Variants in ANKS6 observed in about 807,000 individuals in gnomAD.
The protein encoded by ANKS6 is ankyrin repeat and SAM domain-containing protein 6.
A neutral mutation model predicts 77.9 loss-of-function variants in ANKS6; 47 were observed. The ratio of observed to expected loss-of-function variants is 0.60; its 90% CI spans 0.48 to 0.77. ANKS6 has a LOEUF of 0.77. ANKS6 is among the 30% of genes least tolerant of loss of function. The pLI, the probability that ANKS6 is intolerant of heterozygous loss-of-function variation, is 0.00. For synonymous variants in ANKS6, 488 were observed against 501.7 expected (o/e 0.97, Z 0.37); for missense variants, 1,150 against 1,159.1 (o/e 0.99, Z 0.11).
rs1376975463 is a variant in ANKS6 at position 98,784,126 on chromosome 9, A to G, written c.939T>C (p.Asp313=). The G allele has an allele frequency of 5.1e-6, 8 of 1,559,950 alleles. No homozygotes were observed. The highest frequency in any genetic ancestry group is 1.2e-5 in the South Asian group (1 of 84,600). Residue 313 remains aspartate (D), a synonymous_variant, in exon 4 of 15, where the codon GAT becomes GAC. Coordinates refer to ENST00000353234, the MANE Select transcript of ANKS6 (RefSeq NM_173551.5). ...GNFQLVKEIA[D]EDPSHVNLVN... ...CCAAGTTCACGTGGCTGGGGTCTTC[A>G]TCGGCAATCTCTTTGACCAGCTGGA... is the stretch of plus-strand genomic sequence containing the variant.
chr9:98,735,019 G>A lies in ANKS6; in HGVS notation c.*1500C>T. On this transcript the variant is annotated 3_prime_UTR_variant, in exon 15 of 15. Transcript: ENST00000353234. The stretch of plus-strand genomic sequence containing the variant: ...CTCTGAAAGCCAGCATAGGGGAATG[G>A]GCTTTCATGGCTGGGGGAGGGACAG... 2.0e-6 allele frequency: 2 copies of A among 985,446 alleles called. No homozygotes were observed. Among genetic ancestry groups the A allele is most frequent in the Non-Finnish European group, 2.4e-6 (2 of 829,950 alleles). The allele number at this position is 985,446 out of a possible 1,614,324, so 61.0% of individuals were successfully genotyped here.
rs757531294 is a variant in ANKS6 at position 98,790,255 on chromosome 9, C to T, written c.711G>A (p.Arg237=). ...CCACCAGCTGCTGGGCCACTCCAAG[C>T]CGCCCAGTGAGTGCGGCCAGCATCA... ...SPLMLAALTG[R]LGVAQQLVEK... Residue 237 remains arginine, a synonymous_variant, in exon 2 of 15, where the codon CGG becomes CGA. Transcript: ENST00000353234. 2 of 1,605,820 alleles carry T rather than the reference C, an allele frequency of 1.2e-6. No individual in the cohort carries two copies. The highest frequency in any genetic ancestry group is 4.5e-5 in the East Asian group (2 of 44,610).
intron 14 of ANKS6, among the ~76,000 whole-genome samples, 157 bp from the exon 15 acceptor site, chr9:98,736,780 A>G (rs1831524298): frequency 6.6e-6 from 1 of 152,198 alleles, no homozygotes; most frequent in African/African-American, 2.4e-5. Context: ...ACCGAGTTCA[A>G]TAAAAACATA....
intron 8 of ANKS6, among the ~76,000 whole-genome samples, chr9:98,775,618 T>C (rs1320463441): frequency 8.6e-6 from 1 of 116,016 alleles, no homozygotes; most frequent in Non-Finnish European, 2.0e-5. Flanking sequence ...AAAGCTATGG[T>C]ATTTGCTATT....
rs11437180 is a variant in ANKS6, at chr9:98,789,428, TA to T, written c.862+675del. ...ACATGCCAGAGAGATGGCAAGAAGT[TA>T]AAAAAAAAAAAAAAAAAAAGATGCA... On this transcript the variant is annotated intron_variant, in intron 2 of 14. Coordinates refer to ENST00000353234, the MANE Select transcript of ANKS6 (RefSeq NM_173551.5). 2.5e-3 allele frequency among the ~76,000 whole-genome samples: 324 copies of T among 129,962 alleles called. 5 individuals are homozygous for T. In the East Asian group the frequency reaches 0.034, roughly 14 times the overall value. 85.3% of individuals were successfully genotyped at this position (129,962 alleles called of 152,430 possible). A position where few individuals can be genotyped will look rare whatever the true frequency, so the allele number is the denominator to read the frequency against.
At chr9:98,749,849 G>A (rs1832334475) in intron 13 of ANKS6, among the ~76,000 whole-genome samples, 1 of 152,110 alleles carries the variant, frequency 6.6e-6, no homozygotes, top group African/African-American at 2.4e-5. Flanking sequence ...CAAGTCTGGT[G>A]GGGACAATGA....
At position 98,733,909 on chromosome 9, in the gene ANKS6, T is replaced by C. The variant is rs943815224; in HGVS notation, c.*2610A>G. On this transcript the variant is annotated 3_prime_UTR_variant, in exon 15 of 15. Transcript: ENST00000353234. Reference sequence around the variant, plus strand: ...TACTTTTGGGAAATGCTGGTGAAGGTTGCCAAGCAAGGGAGGTGCTTCTTG... The same window carrying C: ...TACTTTTGGGAAATGCTGGTGAAGGCTGCCAAGCAAGGGAGGTGCTTCTTG... 57 of 985,116 alleles carry C rather than the reference T, an allele frequency of 5.8e-5. No homozygotes were observed. The highest frequency in any genetic ancestry group is 6.1e-5 in the Non-Finnish European group (51 of 829,952). The allele number at this position is 985,116 out of a possible 1,614,324, so 61.0% of individuals were successfully genotyped here. A position where few individuals can be genotyped will look rare whatever the true frequency, so the allele number is the denominator to read the frequency against.
At chr9:98,795,362 G>A (rs1835117284) in intron 1 of ANKS6, among the ~76,000 whole-genome samples, 1 of 152,040 alleles carries the variant, frequency 6.6e-6, no homozygotes, top group Non-Finnish European at 1.5e-5. Context: ...ATTCTGCCTA[G>A]AACCTTCCAT....
At chr9:98,773,653 C>T (rs1423060420) in intron 9 of ANKS6, among the ~76,000 whole-genome samples, 1 of 152,172 alleles carries the variant, frequency 6.6e-6, no homozygotes, top group Non-Finnish European at 1.5e-5. Context: ...ATCTAGGGTT[C>T]CAGTGAGGGG....
intron 4 of ANKS6, 117 bp downstream of exon 4, chr9:98,783,836 C>A: frequency 3.8e-6 from 3 of 788,328 alleles, no homozygotes; most frequent in Non-Finnish European, 3.4e-6. Context: ...TCAATGTCGT[C>A]ATAGTCCTGG....
intron 14 of ANKS6, 103 bp downstream of exon 14, chr9:98,745,456 C>T: frequency 9.1e-7 from 1 of 1,103,620 alleles, no homozygotes; most frequent in Non-Finnish European, 1.4e-6. Context: ...TGAGTGCTTG[C>T]TCACTGTCAG....
In ANKS6 at chr9:98,734,121, C is replaced by G. The variant is rs528333578; in HGVS notation, c.*2398G>C. The G allele has an allele frequency of 2.7e-5, 27 of 985,506 alleles. No individual in the cohort carries two copies. In the African/African-American group the frequency reaches 3.8e-4, roughly 14 times the overall value. The allele number at this position is 985,506 out of a possible 1,614,324, so 61.0% of individuals were successfully genotyped here. The stretch of plus-strand genomic sequence containing the variant: ...CCCTTTCTCTTCCCTGCCTACCAGC[C>G]GCATCCAAACATCCCCAGAAAGGGT... On this transcript the variant is annotated 3_prime_UTR_variant, in exon 15 of 15. Coordinates refer to ENST00000353234, the MANE Select transcript of ANKS6 (RefSeq NM_173551.5).
intron 13 of ANKS6, among the ~76,000 whole-genome samples, chr9:98,750,160 T>C (rs1338806111): frequency 6.6e-6 from 1 of 152,236 alleles, no homozygotes; most frequent in Non-Finnish European, 1.5e-5. Flanking sequence ...AGTCACTCCC[T>C]ACTCTGCCCA....
Position 98,733,317 on chromosome 9 carries a change from A to AGCAG in ANKS6, c.*3201_*3202insCTGC, listed in dbSNP as rs1831306360. The AGCAG allele has an allele frequency of 2.0e-6, 2 of 985,414 alleles. No individual in the cohort carries two copies. The highest frequency in any genetic ancestry group is 9.4e-5 in the South Asian group (2 of 21,292). 61.0% of individuals were successfully genotyped at this position (985,414 alleles called of 1,614,324 possible). On this transcript the variant is annotated 3_prime_UTR_variant, in exon 15 of 15. Transcript: ENST00000353234. ...GTGGCCAGCAGGGACTTGGACATCC[A>AGCAG]GCACTCACGACACACCAGCAAGACA...
chr9:98,741,533 CT>C (rs1181451418), intron 14 of ANKS6, among the ~76,000 whole-genome samples: 1 of 152,212 alleles, frequency 6.6e-6, no homozygotes, highest in Non-Finnish European at 1.5e-5. Flanking sequence ...TAAAAAAATT[CT>C]TTTCACCATT....
At chr9:98,764,719 T>C (rs1833179965) in intron 11 of ANKS6, among the ~76,000 whole-genome samples, 1 of 152,224 alleles carries the variant, frequency 6.6e-6, no homozygotes, top group African/African-American at 2.4e-5. Flanking sequence ...CATTGGGTTC[T>C]TTCTTATAGT....
At chr9:98,754,952 T>A (rs1291449184) in intron 12 of ANKS6, among the ~76,000 whole-genome samples, 1 of 152,116 alleles carries the variant, frequency 6.6e-6, no homozygotes, top group Non-Finnish European at 1.5e-5. Context: ...CCTAACTGAA[T>A]CTCTAGGGGC....
In ANKS6 at chr9:98,790,148, A is replaced by C; in HGVS notation, c.818T>G (p.Leu273Arg). ...GGTCAGCGGGTCCAGGTAGTCTACA[A>C]GGTCCCTGTGCTTGCAGTCCAGTGC... The part of the protein sequence containing the change: ...EVALDCKHRD[L>R]VDYLDPLTTV... The change falls in exon 2 of 15, where the codon CTT becomes CGT. Residue 273 changes from leucine to arginine, a missense_variant. By Grantham distance (102) the Leu-to-Arg change is moderately radical (BLOSUM62 -2). Transcript: ENST00000353234. 6.3e-7 allele frequency: 1 copy of C among 1,586,120 alleles called. No homozygotes were observed. Among genetic ancestry groups the C allele is most frequent in the South Asian group, 1.1e-5 (1 of 89,124 alleles).
intron 11 of ANKS6, among the ~76,000 whole-genome samples, chr9:98,767,153 T>C (rs1349681418): frequency 6.6e-6 from 1 of 152,204 alleles, no homozygotes; most frequent in African/African-American, 2.4e-5. Context: ...CTGCATTATC[T>C]GTAGATGCTA....
Sources: allele counts gnomAD v4.1 joint callset (sites outside exome capture counted in the v4.1 genomes callset), GRCh38; gene constraint gnomAD v4.1.1; transcripts MANE v1.5; gene names NCBI Gene and HGNC (gene_info 2026-07-23, HGNC 2026-07-21).